The following ZNF385D variants were observed in gnomAD, a reference collection of about 807,000 sequenced individuals.
The protein encoded by ZNF385D is zinc finger protein 385D.
In ZNF385D, 15 loss-of-function variants were observed where a neutral mutation model predicts 35.8. The observed-to-expected ratio is 0.42, with a 90% confidence interval of 0.28 to 0.64. The LOEUF (loss-of-function observed/expected upper bound fraction) is 0.64. Ranked by LOEUF, ZNF385D falls within the 30% of genes least tolerant of loss-of-function variation. The probability of loss-of-function intolerance (pLI) is 0.23; values close to 1 mark genes in which losing one functional copy is unlikely to be tolerated. For missense variants in ZNF385D, 474 were observed against 494.6 expected (o/e 0.96, Z 0.39); for synonymous variants, 212 against 186.8 (o/e 1.13, Z -1.10).
At chr3:22,228,087 G>C (rs1425924993) in intron 2 of ZNF385D, among the ~76,000 whole-genome samples, 1 of 152,192 alleles carries the variant, frequency 6.6e-6, no homozygotes, top group Non-Finnish European at 1.5e-5. Context: ...GGTGGTGATT[G>C]ACAGAGAGGC....
chr3:21,864,733 A>G (rs150732785), intron 3 of ZNF385D, among the ~76,000 whole-genome samples: 1 of 152,062 alleles, frequency 6.6e-6, no homozygotes, highest in Non-Finnish European at 1.5e-5. Context: ...CTCCATTCCA[A>G]TATTTATTCT....
intron 3 of ZNF385D, among the ~76,000 whole-genome samples, chr3:21,843,650 C>T (rs768582536): frequency 3.6e-4 from 54 of 151,808 alleles, no homozygotes; most frequent in Non-Finnish European, 1.8e-4. Flanking sequence ...TAGAACCAAG[C>T]AGTTATCAAT....
chr3:21,769,890 T>A (rs536534877), intron 3 of ZNF385D, among the ~76,000 whole-genome samples: 1 of 151,434 alleles, frequency 6.6e-6, no homozygotes, highest in East Asian at 2.0e-4. Context: ...AAAACAGAGA[T>A]ATAGACCAAT....
intron 2 of ZNF385D, among the ~76,000 whole-genome samples, chr3:22,214,819 G>T (rs961201956): frequency 5.3e-5 from 8 of 151,946 alleles, no homozygotes; most frequent in Non-Finnish European, 7.4e-5. Flanking sequence ...TTTTAATTTT[G>T]CCCTGGTCCT....
At chr3:21,958,166 G>A (rs924675004) in intron 3 of ZNF385D, among the ~76,000 whole-genome samples, 7 of 152,054 alleles carry the variant, frequency 4.6e-5, no homozygotes, top group Admixed American at 3.9e-4. Flanking sequence ...ACTAAGCCTT[G>A]TAGATCATAT....
chr3:21,531,159 C>T (rs1298948420), intron 3 of ZNF385D, among the ~76,000 whole-genome samples: 5 of 152,146 alleles, frequency 3.3e-5, no homozygotes, highest in African/African-American at 7.2e-5. Context: ...AATTTCTACA[C>T]TGTTGCTTAA....
chr3:21,864,515 C>T (rs1054829733), intron 3 of ZNF385D, among the ~76,000 whole-genome samples: 10 of 152,054 alleles, frequency 6.6e-5, no homozygotes, highest in Admixed American at 1.3e-4. Flanking sequence ...AGAATGCACA[C>T]TTTTGAGAAT....
At chr3:22,281,212 T>C (rs560465758) in intron 2 of ZNF385D, among the ~76,000 whole-genome samples, 1 of 152,248 alleles carries the variant, frequency 6.6e-6, no homozygotes, top group South Asian at 2.1e-4. Context: ...CTTTATCAGT[T>C]TGGATACCCT....
chr3:21,621,974 G>C (rs2065022623), intron 2 of ZNF385D, among the ~76,000 whole-genome samples: 1 of 151,842 alleles, frequency 6.6e-6, no homozygotes, highest in Non-Finnish European at 1.5e-5. Context: ...TTAACTTTTT[G>C]TATTTTTGTT....
chr3:22,254,525 T>C (rs951078808), intron 2 of ZNF385D, among the ~76,000 whole-genome samples: 8 of 151,846 alleles, frequency 5.3e-5, no homozygotes, highest in Admixed American at 2.0e-4. Context: ...AAAATATGTA[T>C]ATTTCCTAAA....
At chr3:22,096,050 T>C (rs1412402164) in intron 3 of ZNF385D, among the ~76,000 whole-genome samples, 1 of 151,744 alleles carries the variant, frequency 6.6e-6, no homozygotes, top group Admixed American at 6.6e-5. Flanking sequence ...AAGGAGAGAA[T>C]GTAGAAATGT....
At chr3:21,956,728 A>T (rs1020565942) in intron 3 of ZNF385D, among the ~76,000 whole-genome samples, 3 of 151,784 alleles carry the variant, frequency 2.0e-5, no homozygotes, top group African/African-American at 7.3e-5. Context: ...AATCTCTCAA[A>T]ATAATCATGT....
chr3:22,128,166 T>C (rs144927623), intron 3 of ZNF385D, among the ~76,000 whole-genome samples: 1 of 152,342 alleles, frequency 6.6e-6, no homozygotes, highest in African/African-American at 2.4e-5. Context: ...TATTCTAAGT[T>C]AAAAGTTTTT....
chr3:21,740,708 G>C (rs1381339985), intron 1 of ZNF385D, among the ~76,000 whole-genome samples: 2 of 152,148 alleles, frequency 1.3e-5, no homozygotes, highest in Admixed American at 1.3e-4. Context: ...AGACTGACTT[G>C]GGCTGGAATC....
At chr3:21,934,258 T>C (rs1328153546) in intron 3 of ZNF385D, among the ~76,000 whole-genome samples, 2 of 152,126 alleles carry the variant, frequency 1.3e-5, no homozygotes, top group Non-Finnish European at 2.9e-5. Context: ...TCTTTTTGGA[T>C]GGGAAGATAT....
rs144472212 is a variant in ZNF385D, at chr3:22,161,230, T to C, written c.325+7587A>G. ...ATATATATCATAAAATGTAGTGATATACAAACATTGTTATAATGCTTGTAA... is the reference window on the plus strand; with the variant it reads ...ATATATATCATAAAATGTAGTGATACACAAACATTGTTATAATGCTTGTAA... On this transcript the variant is annotated intron_variant, in intron 3 of 5. Transcript: ENST00000494108. Among the ~76,000 whole-genome samples, 5 of 152,110 alleles carry C rather than the reference T, an allele frequency of 3.3e-5. No homozygotes were observed. In the East Asian group the frequency reaches 7.7e-4, roughly 23 times the overall value.
chr3:22,361,675 T>C (rs1161326640), intron 2 of ZNF385D, among the ~76,000 whole-genome samples: 1 of 152,052 alleles, frequency 6.6e-6, no homozygotes, highest in African/African-American at 2.4e-5. Flanking sequence ...CAGAAACTAT[T>C]TCTCTGTATA....
chr3:21,715,485 A>G (rs2068280837), intron 1 of ZNF385D, among the ~76,000 whole-genome samples: 1 of 152,130 alleles, frequency 6.6e-6, no homozygotes, highest in Admixed American at 6.5e-5. Context: ...ACATTTTCTA[A>G]ATCTAATCAT....
intron 3 of ZNF385D, among the ~76,000 whole-genome samples, chr3:21,864,933 A>G (rs967760432): frequency 2.0e-5 from 3 of 147,218 alleles, no homozygotes; most frequent in African/African-American, 5.0e-5. Flanking sequence ...CAAATAGTCA[A>G]ACATCGTTAG....
Sources: allele counts gnomAD v4.1 joint callset (sites outside exome capture counted in the v4.1 genomes callset), GRCh38; gene constraint gnomAD v4.1.1; transcripts MANE v1.5; gene names NCBI Gene and HGNC (gene_info 2026-07-23, HGNC 2026-07-21).